Variants in SPTBN1 observed in about 807,000 individuals in gnomAD.
SPTBN1 encodes spectrin beta, non-erythrocytic 1.
Under a neutral mutation model 266.4 loss-of-function variants are expected in SPTBN1, and 32 were observed. The ratio of observed to expected loss-of-function variants is 0.12; its 90% CI spans 0.09 to 0.16. SPTBN1 has a LOEUF of 0.16. Ranked by LOEUF, SPTBN1 falls within the 10% of genes least tolerant of loss-of-function variation. The pLI is 1.00. For synonymous variants in SPTBN1, 1,336 were observed against 1,162.2 expected (o/e 1.15, Z -3.04); for missense variants, 2,296 against 3,067.1 (o/e 0.75, Z 5.94).
At chr2:54,465,708 A>T (rs1020093911) in intron 1 of SPTBN1, among the ~76,000 whole-genome samples, 2 of 145,290 alleles carry the variant, frequency 1.4e-5, no homozygotes, top group Non-Finnish European at 3.0e-5. Flanking sequence ...TTGATTGAGT[A>T]ATCTCTACCA....
chr2:54,670,260 T>A lies in SPTBN1; in HGVS notation c.*1691T>A, dbSNP rs1681644148. 6.4e-6 allele frequency: 1 copy of A among 155,850 alleles called. No individual in the cohort carries two copies. The highest frequency in any genetic ancestry group is 2.4e-5 in the African/African-American group (1 of 41,474). The allele number at this position is 155,850 out of a possible 1,614,324, so 9.7% of individuals were successfully genotyped here. A position where few individuals can be genotyped will look rare whatever the true frequency, so the allele number is the denominator to read the frequency against. On this transcript the variant is annotated 3_prime_UTR_variant, in exon 36 of 36. Transcript: ENST00000356805. ...TAGGTTTGGCCCATGGGCCATAGTT[T>A]GCTGACTTCAGCATAGAGTCGTGGG...
chr2:54,529,703 G>A (rs1671086621), intron 2 of SPTBN1: 1 of 716,658 alleles, frequency 1.4e-6, no homozygotes, highest in East Asian at 2.6e-5. Flanking sequence ...CTGTGACATT[G>A]ATGGGGCCAA....
intron 18 of SPTBN1, among the ~76,000 whole-genome samples, chr2:54,639,003 C>T (rs1006487652): frequency 6.6e-6 from 1 of 152,268 alleles, no homozygotes; most frequent in Admixed American, 6.5e-5. Flanking sequence ...GAAGGAAAGC[C>T]CCTAAACTAT....
intron 2 of SPTBN1, among the ~76,000 whole-genome samples, chr2:54,581,600 T>TTG (rs1463640987): frequency 1.4e-5 from 2 of 143,104 alleles, no homozygotes; most frequent in African/African-American, 5.4e-5. Context: ...TTTTTTTTTT[T>TTG]GAAACTTTTA....
Position 54,558,996 on chromosome 2 carries a change from C to A in SPTBN1, c.148+32430C>A. 1 of 1,326,964 alleles carries A rather than the reference C, an allele frequency of 7.5e-7. No homozygotes were observed. The highest frequency in any genetic ancestry group is 1.0e-6 in the Non-Finnish European group (1 of 983,570). 82.2% of individuals were successfully genotyped at this position (1,326,964 alleles called of 1,614,324 possible). On this transcript the variant is annotated intron_variant, in intron 2 of 35. Transcript: ENST00000356805. The surrounding 1 kb of genome is among the most constrained non-coding windows in gnomAD (Gnocchi z 4.6). ...GGCGGCTTCACAGCTCGGCCCCAGA[C>A]CCTGTGGTTGGCTGCGGGCACCCCA...
rs1681645510 is a variant in SPTBN1, at chr2:54,670,305, T to A, written c.*1736T>A. ...CGTGGGTTATTTACAAGTGACATAC[T>A]TTTCCTGGGTTATCTGGGTATGTTG... On this transcript the variant is annotated 3_prime_UTR_variant, in exon 36 of 36. Transcript: ENST00000356805. 1 of 161,404 alleles carries A rather than the reference T, an allele frequency of 6.2e-6. No individual in the cohort carries two copies. The highest frequency in any genetic ancestry group is 1.3e-5 in the Non-Finnish European group (1 of 74,460). 10.0% of individuals were successfully genotyped at this position (161,404 alleles called of 1,614,324 possible).
chr2:54,661,214 A>G, intron 32 of SPTBN1: 1 of 985,772 alleles, frequency 1.0e-6, no homozygotes, highest in Non-Finnish European at 1.2e-6. Context: ...GGAATTGAAA[A>G]TGTTTTCACA....
chr2:54,665,804 G>C, intron 33 of SPTBN1, 111 bp from the exon 34 acceptor site: 1 of 1,249,720 alleles, frequency 8.0e-7, no homozygotes, highest in South Asian at 1.5e-5. Flanking sequence ...GTTGGGTGGG[G>C]TCACACTGTG....
intron 4 of SPTBN1, among the ~76,000 whole-genome samples, chr2:54,613,666 A>G (rs62134707): frequency 0.14 from 21,678 of 152,274 alleles, 1,631 homozygotes; most frequent in Middle Eastern, 0.23. Context: ...TGAAGATGGT[A>G]CAACATCATT....
intron 3 of SPTBN1, among the ~76,000 whole-genome samples, chr2:54,601,230 C>A (rs1676478376): frequency 6.6e-6 from 1 of 152,142 alleles, no homozygotes; most frequent in Non-Finnish European, 1.5e-5. Context: ...TTTGTATTAC[C>A]CATTCTTCAC....
chr2:54,630,147 T>G, intron 15 of SPTBN1, 118 bp downstream of exon 15: 1 of 1,336,266 alleles, frequency 7.5e-7, no homozygotes, highest in Admixed American at 2.4e-5. Context: ...ATTGCAACAC[T>G]GATGTCATGG....
chr2:54,579,569 G>A (rs891242326), intron 2 of SPTBN1, among the ~76,000 whole-genome samples: 2 of 152,218 alleles, frequency 1.3e-5, no homozygotes, highest in African/African-American at 4.8e-5. Flanking sequence ...TCCTCACTGA[G>A]CTGAAGCACA....
At chr2:54,509,573 T>C (rs1006856615) in intron 1 of SPTBN1, among the ~76,000 whole-genome samples, 23 of 152,324 alleles carry the variant, frequency 1.5e-4, no homozygotes, top group African/African-American at 5.3e-4. Context: ...ATTGTCCTTA[T>C]CTTTAAAATC....
rs528167934 is a variant in SPTBN1, at chr2:54,471,500, A to G, written c.-48+14982A>G. ...ATTTTTTTTTTTTTTTCAGTCAGGC[A>G]TTGTGCAAAGTGACCTGATGGGAAT... On this transcript the variant is annotated intron_variant, in intron 1 of 35. Transcript: ENST00000356805. 9.5e-5 allele frequency among the ~76,000 whole-genome samples: 14 copies of G among 147,016 alleles called. No individual in the cohort carries two copies. In the South Asian group the frequency reaches 1.1e-3, roughly 11 times the overall value.
At chr2:54,593,808 T>A (rs573166312) in intron 2 of SPTBN1, among the ~76,000 whole-genome samples, 1 of 148,164 alleles carries the variant, frequency 6.7e-6, no homozygotes, top group Admixed American at 6.9e-5. Context: ...TTCTAAGTCT[T>A]GTATCATGGA....
rs908972379 is a variant in SPTBN1, at chr2:54,533,280, A to G, written c.148+6714A>G. Among the ~76,000 whole-genome samples the G allele has an allele frequency of 7.2e-5, 11 of 151,858 alleles. No individual in the cohort carries two copies. The highest frequency in any genetic ancestry group is 2.2e-4 in the African/African-American group (9 of 41,288). On this transcript the variant is annotated intron_variant, in intron 2 of 35. Coordinates refer to ENST00000356805, the MANE Select transcript of SPTBN1 (RefSeq NM_003128.3). This position sits in a 1 kb window ranked among gnomAD's most constrained non-coding sequence, Gnocchi z 4.2. ...GCCTATTTCTTCAGTTTTTCATTTCATATTTCCAGACCATGGTTGACTGAA... is the reference window on the plus strand; with the variant it reads ...GCCTATTTCTTCAGTTTTTCATTTCGTATTTCCAGACCATGGTTGACTGAA...
chr2:54,530,815 A>G lies in SPTBN1; in HGVS notation c.148+4249A>G, dbSNP rs143024186. Among the ~76,000 whole-genome samples, 100 of 152,240 alleles carry G rather than the reference A, an allele frequency of 6.6e-4. 1 individual carries two copies. Among genetic ancestry groups the G allele is most frequent in the African/African-American group, 2.0e-3 (81 of 41,532 alleles). On this transcript the variant is annotated intron_variant, in intron 2 of 35. Coordinates refer to ENST00000356805, the MANE Select transcript of SPTBN1 (RefSeq NM_003128.3). ...TAAAACCAATGGAGTCTGCCGAGTG[A>G]TGGGAGTGTCTTTTGTTACCCATAA...
At chr2:54,460,292 A>G (rs1414915743) in intron 1 of SPTBN1, among the ~76,000 whole-genome samples, 1 of 152,194 alleles carries the variant, frequency 6.6e-6, no homozygotes, top group Non-Finnish European at 1.5e-5. Flanking sequence ...AAGTATCAGC[A>G]CATTTTTTTC....
At chr2:54,475,976 T>C (rs1446058532) in intron 1 of SPTBN1, among the ~76,000 whole-genome samples, 1 of 152,224 alleles carries the variant, frequency 6.6e-6, no homozygotes, top group Non-Finnish European at 1.5e-5. Context: ...ATTCTTGTTG[T>C]ATGCTTATTC....
Sources: allele counts gnomAD v4.1 joint callset (sites outside exome capture counted in the v4.1 genomes callset), GRCh38; gene constraint gnomAD v4.1.1; non-coding constraint Gnocchi (gnomAD v3.1); transcripts MANE v1.5; gene names NCBI Gene and HGNC (gene_info 2026-07-23, HGNC 2026-07-21).